SATB2: variants seen among roughly 807,000 people sequenced by gnomAD.
SATB2 encodes the protein DNA-binding protein SATB2.
A neutral mutation model predicts 73.4 loss-of-function variants in SATB2; 1 was observed. That is an observed-to-expected ratio of 0.01 (90% CI 0.00 to 0.06). SATB2 has a LOEUF of 0.06. Among genes scored for constraint, SATB2 ranks in the 10% least tolerant of loss-of-function variants. SATB2 has a pLI of 1.00. For missense variants in SATB2, 459 were observed against 945.8 expected (o/e 0.49, Z 6.75); for synonymous variants, 397 against 367.0 (o/e 1.08, Z -0.93).
chr2:199,306,356 G>A (rs947313395), intron 10 of SATB2, among the ~76,000 whole-genome samples: 1 of 152,138 alleles, frequency 6.6e-6, no homozygotes, highest in Non-Finnish European at 1.5e-5. Context: ...TAGGCATAAC[G>A]TTAAAGAAAT....
chr2:199,449,847 G>T (rs1347708911), intron 2 of SATB2, among the ~76,000 whole-genome samples: 1 of 152,042 alleles, frequency 6.6e-6, no homozygotes, highest in Non-Finnish European at 1.5e-5. Flanking sequence ...GTGTTGATTG[G>T]AAGTGAAAAA....
At chr2:199,425,166 C>A (rs1691289363) in intron 3 of SATB2, among the ~76,000 whole-genome samples, 1 of 152,020 alleles carries the variant, frequency 6.6e-6, no homozygotes, top group Non-Finnish European at 1.5e-5. Flanking sequence ...CTTGAAACTC[C>A]TAGAAGTTAT....
intron 9 of SATB2, among the ~76,000 whole-genome samples, chr2:199,320,037 GAAGA>G (rs1190834288): frequency 6.6e-6 from 1 of 152,086 alleles, no homozygotes; most frequent in African/African-American, 2.4e-5. Context: ...GTAAAATTGG[GAAGA>G]AAGGGGGAAA....
At chr2:199,309,840 GTTC>G (rs1284519427) in intron 9 of SATB2, among the ~76,000 whole-genome samples, 1 of 152,152 alleles carries the variant, frequency 6.6e-6, no homozygotes, top group Non-Finnish European at 1.5e-5. Flanking sequence ...GTAAAAAAAT[GTTC>G]TTAAGAGGTG....
chr2:199,369,887 A>G (rs919618972), intron 5 of SATB2, among the ~76,000 whole-genome samples: 2 of 152,118 alleles, frequency 1.3e-5, no homozygotes, highest in African/African-American at 4.8e-5. Flanking sequence ...TCTTAATTCA[A>G]TTCACAGAAA....
upstream of SATB2, among the ~76,000 whole-genome samples, chr2:199,461,343 T>C (rs1459585743): frequency 1.3e-5 from 2 of 152,364 alleles, no homozygotes; most frequent in East Asian, 3.8e-4. Context: ...CAATAAGATA[T>C]ATTTTAATAG....
At chr2:199,303,481 A>G (rs1574487371) in intron 10 of SATB2, among the ~76,000 whole-genome samples, 1 of 152,264 alleles carries the variant, frequency 6.6e-6, no homozygotes, top group East Asian at 1.9e-4. Context: ...CAGAGATACT[A>G]ATGATTTTTT....
intron 10 of SATB2, among the ~76,000 whole-genome samples, chr2:199,300,603 T>A (rs1687258845): frequency 6.6e-6 from 1 of 152,146 alleles, no homozygotes. Context: ...AGACTTTTTG[T>A]ACCGATATAA....
intron 2 of SATB2, among the ~76,000 whole-genome samples, chr2:199,454,744 T>C (rs750517694): frequency 5.3e-5 from 8 of 152,226 alleles, no homozygotes; most frequent in African/African-American, 9.6e-5. Context: ...AAAAATACGA[T>C]TTTATAAAAC....
At chr2:199,288,365 T>G (rs1477969344) in intron 10 of SATB2, among the ~76,000 whole-genome samples, 2 of 152,162 alleles carry the variant, frequency 1.3e-5, no homozygotes, top group African/African-American at 4.8e-5. Context: ...ACAACTGAAG[T>G]GTTTTACAGC....
In SATB2 at chr2:199,291,762, A is replaced by T. The variant is rs1044390361; in HGVS notation, c.1740+16998T>A. Reference sequence around the variant, plus strand: ...ACCTAGTCACCACTAAAAATACAAAAATTAGCCAGGCATGGTGGCACACAC... The same window carrying T: ...ACCTAGTCACCACTAAAAATACAAATATTAGCCAGGCATGGTGGCACACAC... On this transcript the variant is annotated intron_variant, in intron 10 of 10. Coordinates refer to ENST00000417098, the MANE Select transcript of SATB2 (RefSeq NM_001172509.2). Among the ~76,000 whole-genome samples, 21 of 151,962 alleles carry T rather than the reference A, an allele frequency of 1.4e-4. 1 individual carries two copies. The highest frequency in any genetic ancestry group is 1.8e-4 in the Non-Finnish European group (12 of 67,982).
intron 6 of SATB2, among the ~76,000 whole-genome samples, chr2:199,362,872 G>T (rs1451123057): frequency 6.6e-6 from 1 of 152,142 alleles, no homozygotes; most frequent in Non-Finnish European, 1.5e-5. Flanking sequence ...AAGAGAAGCA[G>T]GGAGGGGCGT....
rs181360791 is a variant in SATB2, at chr2:199,407,983, T to C, written c.346+25355A>G. 1.5e-4 allele frequency among the ~76,000 whole-genome samples: 23 copies of C among 152,348 alleles called. No individual in the cohort carries two copies. The East Asian group carries it at 4.4e-3, about 29-fold the overall frequency. On this transcript the variant is annotated intron_variant, in intron 3 of 10. Transcript: ENST00000417098. ...CAGATGTAATCCCAAACCATGATCC[T>C]GTCCTTTTATCAGACTTATAGGAAC...
chr2:199,348,695 T>C lies in SATB2; in HGVS notation c.1173+6A>G, dbSNP rs747745210. The C allele has an allele frequency of 1.0e-4, 157 of 1,567,242 alleles. No individual in the cohort carries two copies. The highest frequency in any genetic ancestry group is 1.7e-4 in the Middle Eastern group (1 of 5,780). On this transcript the variant is annotated splice_donor_region_variant and intron_variant, in intron 7 of 10. Coordinates refer to ENST00000417098, the MANE Select transcript of SATB2 (RefSeq NM_001172509.2). Reference sequence around the variant, plus strand: ...TGTTAATTACAGTGTTTAATGCTAATTGTACCTGTGTGCGGTTGAATGCCA... The same window carrying C: ...TGTTAATTACAGTGTTTAATGCTAACTGTACCTGTGTGCGGTTGAATGCCA...
At chr2:199,329,140 T>A in intron 7 of SATB2, 1 of 562,834 alleles carries the variant, frequency 1.8e-6, no homozygotes. Flanking sequence ...ATCACTGTAA[T>A]AATCATCAGT....
intron 3 of SATB2, among the ~76,000 whole-genome samples, chr2:199,418,538 AGTTTT>A (rs1691067684): frequency 6.6e-6 from 1 of 152,222 alleles, no homozygotes; most frequent in African/African-American, 2.4e-5. Flanking sequence ...TTAGTTTATT[AGTTTT>A]ATTTTAAAAA....
intron 10 of SATB2, among the ~76,000 whole-genome samples, chr2:199,307,931 G>C (rs1427849878): frequency 2.0e-5 from 3 of 152,130 alleles, no homozygotes; most frequent in African/African-American, 7.2e-5. Context: ...TACTCCAGGA[G>C]ATTCAGAGAC....
rs1553546876 is a variant in SATB2 at position 199,323,476 on chromosome 2, TAC to T, written c.1542+325_1542+326del. Among the ~76,000 whole-genome samples the T allele has an allele frequency of 3.1e-3, 449 of 142,834 alleles. 8 individuals are homozygous for T. Among genetic ancestry groups the T allele is most frequent in the Middle Eastern group, 3.5e-3 (1 of 288 alleles). 93.7% of individuals were successfully genotyped at this position (142,834 alleles called of 152,430 possible). A position where few individuals can be genotyped will look rare whatever the true frequency, so the allele number is the denominator to read the frequency against. On this transcript the variant is annotated intron_variant, in intron 9 of 10. Coordinates refer to ENST00000417098, the MANE Select transcript of SATB2 (RefSeq NM_001172509.2). The stretch of plus-strand genomic sequence containing the variant: ...TTATATACATTCTAAGTTTTGTTCA[TAC>T]ACACACACACACACACACACACACA...
Position 199,309,022 on chromosome 2 carries a change from T to A in SATB2, c.1543-65A>T, listed in dbSNP as rs548703368. 46 of 1,210,276 alleles carry A rather than the reference T, an allele frequency of 3.8e-5. No individual in the cohort carries two copies. In the African/African-American group the frequency reaches 6.4e-4, roughly 17 times the overall value. The allele number at this position is 1,210,276 out of a possible 1,614,324, so 75.0% of individuals were successfully genotyped here. Reference sequence around the variant, plus strand: ...GTAGAGGAGCTGAGGGGGCCTTGACTGCGGTCCAGTGCCATCACAGTACAT... The same window carrying A: ...GTAGAGGAGCTGAGGGGGCCTTGACAGCGGTCCAGTGCCATCACAGTACAT... On this transcript the variant is annotated intron_variant, in intron 9 of 10. Transcript: ENST00000417098.
Sources: gnomAD v4.1 joint callset for allele counts (sites outside exome capture counted in the v4.1 genomes callset) on GRCh38, gnomAD v4.1.1 for gene constraint, MANE v1.5 for transcripts, NCBI Gene and HGNC (gene_info 2026-07-23, HGNC 2026-07-21) for gene names.